BCL2L11: variants seen among roughly 807,000 people sequenced by gnomAD.
BCL2L11 encodes bcl-2-like protein 11.
Under a neutral mutation model 20.6 loss-of-function variants are expected in BCL2L11, and 15 were observed. The ratio of observed to expected loss-of-function variants is 0.73; its 90% CI spans 0.49 to 1.12. The LOEUF is 1.12. Among genes scored for constraint, BCL2L11 ranks in the 50% most tolerant of loss-of-function variants. The pLI, the probability that BCL2L11 is intolerant of heterozygous loss-of-function variation, is 0.00. For synonymous variants in BCL2L11, 108 were observed against 92.8 expected, an observed-to-expected ratio of 1.16 and a Z score of -0.94; for missense variants, 292 against 260.9, an observed-to-expected ratio of 1.12 and a Z score of -0.82.
chr2:111,132,605 T>C (rs934252849), intron 2 of BCL2L11, among the ~76,000 whole-genome samples: 3 of 152,254 alleles, frequency 2.0e-5, no homozygotes, highest in Non-Finnish European at 4.4e-5. Context: ...TAGGCTCTTT[T>C]TAAGTTGGCT....
At chr2:111,129,230 G>T (rs2073370026) in intron 2 of BCL2L11, among the ~76,000 whole-genome samples, 1 of 152,184 alleles carries the variant, frequency 6.6e-6, no homozygotes, top group African/African-American at 2.4e-5. Context: ...CCTTCAGGCT[G>T]CCTGGAGCCT....
intron 2 of BCL2L11, chr2:111,128,526 C>A: frequency 7.3e-7 from 1 of 1,374,704 alleles, no homozygotes; most frequent in South Asian, 1.8e-5. Flanking sequence ...TCATGCTGTT[C>A]TCCATAGAGG....
intron 2 of BCL2L11, chr2:111,146,324 T>C: frequency 1.3e-6 from 1 of 754,172 alleles, no homozygotes; most frequent in Non-Finnish European, 1.6e-6. Context: ...ACATTGCAGA[T>C]AGCAAAATAA....
intron 2 of BCL2L11, among the ~76,000 whole-genome samples, chr2:111,139,849 C>T (rs143578838): frequency 9.3e-4 from 142 of 152,332 alleles, no homozygotes; most frequent in African/African-American, 3.2e-3. Flanking sequence ...CCACATGATT[C>T]GTGAGTAGAG....
At chr2:111,160,772 C>G (rs2078453493) in intron 3 of BCL2L11, among the ~76,000 whole-genome samples, 1 of 152,094 alleles carries the variant, frequency 6.6e-6, no homozygotes, top group African/African-American at 2.4e-5. Flanking sequence ...TCTCCTTCAC[C>G]CAAATGAGTT....
chr2:111,142,217 C>G, intron 2 of BCL2L11: 1 of 1,037,970 alleles, frequency 9.6e-7, no homozygotes, highest in Non-Finnish European at 1.5e-6. Flanking sequence ...CTAATGAAGA[C>G]TCTACCTCCT....
chr2:111,124,337 C>G (rs540147894), intron 2 of BCL2L11, among the ~76,000 whole-genome samples, 198 bp downstream of exon 2: 27 of 151,244 alleles, frequency 1.8e-4, no homozygotes, highest in African/African-American at 6.6e-4. Context: ...GTCGCCCAGG[C>G]TGGAGTGCAG....
intron 1 of BCL2L11, 194 bp from the exon 2 acceptor site, chr2:111,123,539 C>T: frequency 5.1e-6 from 5 of 984,228 alleles, no homozygotes; most frequent in African/African-American, 3.5e-5. Flanking sequence ...TTTGGGGGTA[C>T]CCTCTACCAA....
At chr2:111,132,600 T>C (rs1574972412) in intron 2 of BCL2L11, among the ~76,000 whole-genome samples, 1 of 152,366 alleles carries the variant, frequency 6.6e-6, no homozygotes, top group Non-Finnish European at 1.5e-5. Context: ...CCATATAGGC[T>C]CTTTTTAAGT....
intron 3 of BCL2L11, among the ~76,000 whole-genome samples, chr2:111,157,963 T>C (rs6742633): frequency 0.026 from 3,968 of 152,240 alleles, 168 homozygotes; most frequent in African/African-American, 0.089. Context: ...GACATCAAAG[T>C]GCAGCAGGCA....
intron 2 of BCL2L11, chr2:111,144,387 T>G: frequency 7.7e-7 from 1 of 1,296,424 alleles, no homozygotes; most frequent in Non-Finnish European, 1.1e-6. Flanking sequence ...GGTTACTTGC[T>G]TATTTTATTT....
rs1414990277 is a variant in BCL2L11, at chr2:111,120,973, TGCCGCTGCCGCCGCC to T, written c.-223_-209del. ...GTTGGAGCTCTGCGTCCAGCGCCGC[TGCCGCTGCCGCCGCC>T]GCCGCCGCCGCCGCCGCCGCCGCCG... On this transcript the variant is annotated 5_prime_UTR_variant, in exon 1 of 4. Coordinates refer to ENST00000393256, the MANE Select transcript of BCL2L11 (RefSeq NM_138621.5). 2.9e-5 allele frequency: 8 copies of T among 271,198 alleles called. No individual in the cohort carries two copies. The highest frequency in any genetic ancestry group is 1.2e-4 in the Admixed American group (1 of 8,370). 16.8% of individuals were successfully genotyped at this position (271,198 alleles called of 1,614,324 possible).
chr2:111,122,599 C>A, intron 1 of BCL2L11: 3 of 984,270 alleles, frequency 3.0e-6, no homozygotes, highest in Non-Finnish European at 3.6e-6. Flanking sequence ...GGGAGGTCGG[C>A]GGTGCCGGCG....
At chr2:111,141,770 C>G (rs1329697123) in intron 2 of BCL2L11, among the ~76,000 whole-genome samples, 1 of 150,794 alleles carries the variant, frequency 6.6e-6, no homozygotes. Flanking sequence ...GCCATCTGAG[C>G]TCACTGCAAT....
chr2:111,132,653 T>G (rs2074161614), intron 2 of BCL2L11, among the ~76,000 whole-genome samples: 2 of 152,246 alleles, frequency 1.3e-5, no homozygotes, highest in South Asian at 4.1e-4. Context: ...CAGATTAGAC[T>G]TTTAGAAGCC....
chr2:111,132,037 T>A (rs1297085376), intron 2 of BCL2L11: 1 of 152,292 alleles, frequency 6.6e-6, no homozygotes, highest in East Asian at 1.9e-4. Context: ...TTGTTTGGCC[T>A]CCACACTCCA....
chr2:111,126,569 T>C (rs567018363), intron 2 of BCL2L11, among the ~76,000 whole-genome samples: 1 of 152,202 alleles, frequency 6.6e-6, no homozygotes, highest in African/African-American at 2.4e-5. Flanking sequence ...CAGATGTGAG[T>C]TTCTTAAATT....
At chr2:111,148,249 G>A (rs923282513) in intron 2 of BCL2L11, among the ~76,000 whole-genome samples, 2 of 152,128 alleles carry the variant, frequency 1.3e-5, no homozygotes, top group African/African-American at 4.8e-5. Flanking sequence ...TGTGCATATG[G>A]GTAGGCACAC....
intron 2 of BCL2L11, chr2:111,146,405 C>G: frequency 3.4e-6 from 1 of 295,354 alleles, no homozygotes; most frequent in Non-Finnish European, 5.0e-6. Context: ...TTTGATAGCT[C>G]GAGTATGTTA....
Sources: allele counts gnomAD v4.1 joint callset (sites outside exome capture counted in the v4.1 genomes callset), GRCh38; gene constraint gnomAD v4.1.1; transcripts MANE v1.5; gene names NCBI Gene and HGNC (gene_info 2026-07-23, HGNC 2026-07-21).